CRB1: variants seen among roughly 807,000 people sequenced by gnomAD.
The protein encoded by CRB1 is crumbs cell polarity complex component 1.
A neutral mutation model predicts 120.0 loss-of-function variants in CRB1; 83 were observed. The observed-to-expected ratio is 0.69, with a 90% CI of 0.58 to 0.83. The LOEUF is 0.83. Among genes scored for constraint, CRB1 ranks in the 40% least tolerant of loss-of-function variants. The probability of loss-of-function intolerance (pLI) is 0.00; values close to 1 mark genes in which losing one functional copy is unlikely to be tolerated. For synonymous variants in CRB1, 625 were observed against 612.5 expected (o/e 1.02, Z -0.30); for missense variants, 1,699 against 1,687.6 (o/e 1.01, Z -0.12).
At chr1:197,473,247 G>C (rs989903360) in intron 11 of CRB1, among the ~76,000 whole-genome samples, 6 of 152,186 alleles carry the variant, frequency 3.9e-5, no homozygotes, top group African/African-American at 1.4e-4. Flanking sequence ...AGTGCATGCT[G>C]TTTCCAGTTC....
rs147752992 is a variant in CRB1 at position 197,312,734 on chromosome 1, A to G, written c.71-15688A>G. Among the ~76,000 whole-genome samples the G allele has an allele frequency of 2.6e-5, 4 of 152,316 alleles. No individual in the cohort carries two copies. In the East Asian group the frequency reaches 5.8e-4, roughly 22 times the overall value. On this transcript the variant is annotated intron_variant, in intron 1 of 11. Transcript: ENST00000367400. ...TGTTTTTTACACATAGCAACATTTA[A>G]TATTATTCTTGTATTTTTCATTATC...
the CRB1 span, among the ~76,000 whole-genome samples, chr1:197,245,680 G>A: frequency 6.6e-6 from 1 of 151,838 alleles, no homozygotes; most frequent in Non-Finnish European, 1.5e-5. Flanking sequence ...ATGAAATTTT[G>A]TATTTTGTGT....
the CRB1 span, among the ~76,000 whole-genome samples, chr1:197,256,929 T>TTGTGTG: frequency 3.5e-5 from 4 of 114,166 alleles, no homozygotes; most frequent in African/African-American, 1.5e-4. Flanking sequence ...CCTATAGGAT[T>TTGTGTG]TGCGTGTGTG....
At chr1:197,400,200 A>G (rs551644345) in intron 5 of CRB1, among the ~76,000 whole-genome samples, 2 of 152,298 alleles carry the variant, frequency 1.3e-5, no homozygotes, top group East Asian at 1.9e-4. Context: ...GAACTCATCC[A>G]TCAATCAATT....
chr1:197,288,330 T>C (rs768499982), intron 1 of CRB1, among the ~76,000 whole-genome samples: 14 of 151,862 alleles, frequency 9.2e-5, no homozygotes, highest in Non-Finnish European at 1.9e-4. Flanking sequence ...ATGAAACATT[T>C]GGTAGGATAT....
chr1:197,449,459 C>T (rs1259665953), intron 11 of CRB1, among the ~76,000 whole-genome samples: 4 of 152,090 alleles, frequency 2.6e-5, no homozygotes, highest in Non-Finnish European at 4.4e-5. Flanking sequence ...CTCCGCCTGC[C>T]GGGTTCATGC....
In CRB1 at chr1:197,376,356, AT is replaced by A. The variant is rs560228938; in HGVS notation, c.1171+19350del. 7.2e-4 allele frequency among the ~76,000 whole-genome samples: 110 copies of A among 152,272 alleles called. No individual in the cohort carries two copies. The East Asian group carries it at 0.02, about 28-fold the overall frequency. ...TAACATAACCCAGGCAAAACTTTTT[AT>A]TTTTTTATCTTCATGAAACCCAAAA... On this transcript the variant is annotated intron_variant, in intron 5 of 11. Coordinates refer to ENST00000367400, the MANE Select transcript of CRB1 (RefSeq NM_201253.3).
intron 11 of CRB1, among the ~76,000 whole-genome samples, chr1:197,471,612 C>T (rs1221356809): frequency 6.6e-6 from 1 of 152,198 alleles, no homozygotes; most frequent in African/African-American, 2.4e-5. Context: ...GAGCATCTGG[C>T]TGGATAGCCT....
chr1:197,349,972 C>A (rs1295426462), intron 4 of CRB1, among the ~76,000 whole-genome samples: 1 of 151,626 alleles, frequency 6.6e-6, no homozygotes, highest in Non-Finnish European at 1.5e-5. Context: ...CGGTGGCGGG[C>A]GCCTGTAGTC....
chr1:197,349,315 A>C (rs1418083030), intron 4 of CRB1, among the ~76,000 whole-genome samples: 1 of 152,238 alleles, frequency 6.6e-6, no homozygotes, highest in African/African-American at 2.4e-5. Context: ...CCATGATGAA[A>C]TTGTGTAATG....
At chr1:197,298,477 G>T (rs551449521) in intron 1 of CRB1, among the ~76,000 whole-genome samples, 24 of 152,198 alleles carry the variant, frequency 1.6e-4, no homozygotes, top group African/African-American at 5.1e-4. Flanking sequence ...TTAAGTAGTA[G>T]TTTTCTCCAC....
intron 5 of CRB1, among the ~76,000 whole-genome samples, chr1:197,420,263 A>G (rs1664231838): frequency 6.6e-6 from 1 of 152,218 alleles, no homozygotes; most frequent in African/African-American, 2.4e-5. Context: ...CACGCTTATT[A>G]AAAGGTGTTA....
At chr1:197,343,316 T>A (rs993400848) in intron 2 of CRB1, among the ~76,000 whole-genome samples, 2 of 152,200 alleles carry the variant, frequency 1.3e-5, no homozygotes, top group Admixed American at 6.5e-5. Flanking sequence ...ATTCTTCCTT[T>A]TGTGTCTTTT....
At chr1:197,439,996 T>C (rs1005776425) in intron 10 of CRB1, 2 of 152,230 alleles carry the variant, frequency 1.3e-5, no homozygotes, top group Non-Finnish European at 2.9e-5. Flanking sequence ...TCCAAGTCTA[T>C]ATGTGCATGA....
chr1:197,329,478 C>T (rs979304767), intron 2 of CRB1, among the ~76,000 whole-genome samples: 5 of 152,084 alleles, frequency 3.3e-5, no homozygotes, highest in African/African-American at 4.8e-5. Context: ...AGATAAACCA[C>T]GATTTTTATT....
chr1:197,462,686 C>T (rs931733995), intron 11 of CRB1, among the ~76,000 whole-genome samples: 1 of 152,136 alleles, frequency 6.6e-6, no homozygotes, highest in Non-Finnish European at 1.5e-5. Context: ...TTTTTAATTA[C>T]ACATAAATTT....
Position 197,328,905 on chromosome 1 carries a change from T to C in CRB1, c.554T>C (p.Leu185Ser), listed in dbSNP as rs749822647. The change falls in exon 2 of 12, where the codon TTG becomes TCG. Residue 185 changes from leucine (L) to serine (S), a missense_variant. By Grantham distance (145) the Leu-to-Ser change is moderately radical. Coordinates refer to ENST00000367400, the MANE Select transcript of CRB1 (RefSeq NM_201253.3). ...GGATATCAAGGCAGACACTGCGACT[T>C]GGAAGTGGATGAATGTGCTTCAGAT... ...VPGYQGRHCDLEVDECASDPC... is the reference protein window; with the variant it reads ...VPGYQGRHCDSEVDECASDPC... 1 of 1,614,194 alleles carries C rather than the reference T, an allele frequency of 6.2e-7. No homozygotes were observed. The highest frequency in any genetic ancestry group is 1.7e-5 in the Admixed American group (1 of 60,028).
intron 11 of CRB1, among the ~76,000 whole-genome samples, chr1:197,469,566 G>A (rs1666893117): frequency 6.6e-6 from 1 of 152,084 alleles, no homozygotes; most frequent in African/African-American, 2.4e-5. Flanking sequence ...AGCACTGAAT[G>A]AGTTACACGC....
the CRB1 span, among the ~76,000 whole-genome samples, chr1:197,240,420 A>G: frequency 3.8e-4 from 58 of 151,978 alleles, no homozygotes; most frequent in East Asian, 3.5e-3. Context: ...CCCTGTGTCC[A>G]TGTGTTCTTA....
Sources: allele counts gnomAD v4.1 joint callset (sites outside exome capture counted in the v4.1 genomes callset), GRCh38; gene constraint gnomAD v4.1.1; transcripts MANE v1.5; gene names NCBI Gene and HGNC (gene_info 2026-07-23, HGNC 2026-07-21).